CEP128: variants seen among roughly 807,000 people sequenced by gnomAD.
The protein encoded by CEP128 is centrosomal protein 128.
A neutral mutation model predicts 156.7 loss-of-function variants in CEP128; 132 were observed. That is an observed-to-expected ratio of 0.84 (90% CI 0.73 to 0.97). The LOEUF (loss-of-function observed/expected upper bound fraction) is 0.97. Among genes scored for constraint, CEP128 ranks in the 50% least tolerant of loss-of-function variants. The pLI is 0.00. For synonymous variants in CEP128, 469 were observed against 448.9 expected, an observed-to-expected ratio of 1.04 and a Z score of -0.57; for missense variants, 1,252 against 1,281.9, an observed-to-expected ratio of 0.98 and a Z score of 0.36.
chr14:80,540,001 G>A (rs1281435602), intron 21 of CEP128, among the ~76,000 whole-genome samples: 1 of 152,088 alleles, frequency 6.6e-6, no homozygotes, highest in Non-Finnish European at 1.5e-5. Flanking sequence ...CTCGAACCCT[G>A]TTTTCTGTTG....
chr14:80,487,944 C>T (rs1322334161), downstream of CEP128, among the ~76,000 whole-genome samples: 1 of 151,406 alleles, frequency 6.6e-6, no homozygotes, highest in Non-Finnish European at 1.5e-5. Context: ...AAAATTGACA[C>T]CCTAATGTCA....
At chr14:80,751,923 AC>A (rs1295032367) in intron 18 of CEP128, among the ~76,000 whole-genome samples, 1 of 152,014 alleles carries the variant, frequency 6.6e-6, no homozygotes, top group Non-Finnish European at 1.5e-5. Flanking sequence ...GAGCCACCGC[AC>A]CCAGGTAATG....
chr14:80,534,824 C>CAAAAAA (rs371773612), intron 21 of CEP128, among the ~76,000 whole-genome samples: 3 of 60,118 alleles, frequency 5.0e-5, no homozygotes, highest in South Asian at 8.0e-4. Context: ...GATTCCGTCT[C>CAAAAAA]AAAAAAAAAA....
intron 19 of CEP128, among the ~76,000 whole-genome samples, chr14:80,720,447 T>C (rs1047567397): frequency 1.3e-5 from 2 of 152,188 alleles, no homozygotes; most frequent in African/African-American, 2.4e-5. Context: ...ATTCCCTGCA[T>C]TCCCAGCCAA....
chr14:80,775,773 C>T (rs923831304), intron 16 of CEP128, among the ~76,000 whole-genome samples: 2 of 152,212 alleles, frequency 1.3e-5, no homozygotes, highest in Non-Finnish European at 1.5e-5. Context: ...TATATGAATG[C>T]GTGATAACAC....
chr14:80,806,853 A>G (rs567445006), intron 13 of CEP128, among the ~76,000 whole-genome samples: 8 of 152,324 alleles, frequency 5.3e-5, no homozygotes, highest in Non-Finnish European at 1.0e-4. Context: ...GAGAGAAACT[A>G]AATATAACAC....
At chr14:80,661,704 G>C (rs1251897118) in intron 19 of CEP128, among the ~76,000 whole-genome samples, 1 of 152,038 alleles carries the variant, frequency 6.6e-6, no homozygotes, top group Admixed American at 6.6e-5. Context: ...GCAGGTTTTT[G>C]CTAGGCAGTT....
downstream of CEP128, among the ~76,000 whole-genome samples, chr14:80,492,515 A>C (rs1387291396): frequency 6.6e-6 from 1 of 152,196 alleles, no homozygotes; most frequent in East Asian, 1.9e-4. Context: ...TGAGGAGAGG[A>C]CTGGATACCA....
chr14:80,897,569 G>A (rs141807466), intron 7 of CEP128, among the ~76,000 whole-genome samples: 1 of 152,012 alleles, frequency 6.6e-6, no homozygotes, highest in African/African-American at 2.4e-5. Flanking sequence ...TCAGGAAGTG[G>A]AATTACCATC....
intron 21 of CEP128, among the ~76,000 whole-genome samples, chr14:80,531,983 G>C (rs1026565210): frequency 2.0e-5 from 3 of 152,082 alleles, no homozygotes; most frequent in African/African-American, 7.2e-5. Context: ...TAAGATGAGA[G>C]CTGCCCACCA....
At chr14:80,607,354 A>C (rs1368246403) in intron 19 of CEP128, among the ~76,000 whole-genome samples, 7 of 152,196 alleles carry the variant, frequency 4.6e-5, no homozygotes, top group Non-Finnish European at 8.8e-5. Flanking sequence ...AGTGAGAAAC[A>C]AAAGCGAATG....
chr14:80,755,012 G>A (rs950309748), intron 18 of CEP128, among the ~76,000 whole-genome samples: 7 of 152,158 alleles, frequency 4.6e-5, no homozygotes, highest in African/African-American at 1.7e-4. Flanking sequence ...GTCTGTGAGG[G>A]TGTTTCCAAA....
At chr14:80,505,598 T>A (rs749859468) in intron 23 of CEP128, among the ~76,000 whole-genome samples, 42 of 152,218 alleles carry the variant, frequency 2.8e-4, no homozygotes, top group Non-Finnish European at 5.7e-4. Flanking sequence ...ATATTCGTCT[T>A]CTCACTCATT....
chr14:80,743,773 T>C (rs1898954975), intron 18 of CEP128, among the ~76,000 whole-genome samples: 1 of 152,180 alleles, frequency 6.6e-6, no homozygotes, highest in African/African-American at 2.4e-5. Context: ...AGTTAATGTT[T>C]ATGCTTCTAA....
At chr14:80,612,431 T>C (rs543992245) in intron 19 of CEP128, among the ~76,000 whole-genome samples, 1 of 152,338 alleles carries the variant, frequency 6.6e-6, no homozygotes, top group Admixed American at 6.5e-5. Context: ...CATTCTTATA[T>C]AGAGTCCTTG....
At chr14:80,867,843 C>T (rs228121) in intron 8 of CEP128, among the ~76,000 whole-genome samples, 104,219 of 151,928 alleles carry the variant, frequency 0.69, 36,874 homozygotes, top group African/African-American at 0.87. Context: ...AAAAAGAACA[C>T]CCAGATCCTT....
At chr14:80,884,801 C>T (rs922464608) in intron 8 of CEP128, among the ~76,000 whole-genome samples, 1 of 152,092 alleles carries the variant, frequency 6.6e-6, no homozygotes, top group African/African-American at 2.4e-5. Flanking sequence ...GGAACCCCAG[C>T]GAGACAGAAC....
In CEP128 at chr14:80,820,688, C is replaced by G. The variant is rs545234201; in HGVS notation, c.1209+10455G>C. On this transcript the variant is annotated intron_variant, in intron 13 of 24. Coordinates refer to ENST00000555265, the MANE Select transcript of CEP128 (RefSeq NM_152446.5). ...GTCCTTGCTGCCTAGAGATAGCTCT[C>G]TGAAACCTTCAAATATATTTTTAAA... Among the ~76,000 whole-genome samples the G allele has an allele frequency of 4.6e-5, 7 of 152,328 alleles. No homozygotes were observed. The South Asian group carries it at 8.3e-4, about 18-fold the overall frequency.
At chr14:80,725,738 G>A (rs949559047) in intron 19 of CEP128, among the ~76,000 whole-genome samples, 16 of 151,908 alleles carry the variant, frequency 1.1e-4, no homozygotes, top group South Asian at 2.1e-4. Flanking sequence ...ATCTCCCTCC[G>A]GAAGAAGTAT....
Sources: allele counts gnomAD v4.1 joint callset (sites outside exome capture counted in the v4.1 genomes callset), GRCh38; gene constraint gnomAD v4.1.1; transcripts MANE v1.5; gene names NCBI Gene and HGNC (gene_info 2026-07-23, HGNC 2026-07-21).